The following TCF12 variants were observed in gnomAD, a reference collection of about 807,000 sequenced individuals.
TCF12 encodes the protein DNA-binding protein HTF4.
Under a neutral mutation model 86.0 loss-of-function variants are expected in TCF12, and 45 were observed. The ratio of observed to expected loss-of-function variants is 0.52; its 90% CI spans 0.41 to 0.67. The LOEUF (loss-of-function observed/expected upper bound fraction) is 0.67. TCF12 is among the 30% of genes least tolerant of loss of function. The pLI is 0.00. For synonymous variants in TCF12, 330 were observed against 299.6 expected, an observed-to-expected ratio of 1.10 and a Z score of -1.05; for missense variants, 881 against 859.9, an observed-to-expected ratio of 1.02 and a Z score of -0.31.
At chr15:57,048,857 C>G (rs78645795) in intron 3 of TCF12, among the ~76,000 whole-genome samples, 1 of 152,044 alleles carries the variant, frequency 6.6e-6, no homozygotes, top group Non-Finnish European at 1.5e-5. Context: ...AATGCATACA[C>G]CCATCATCAA....
At chr15:57,271,679 C>T (rs983185627) in intron 18 of TCF12, among the ~76,000 whole-genome samples, 1 of 152,210 alleles carries the variant, frequency 6.6e-6, no homozygotes, top group Non-Finnish European at 1.5e-5. Flanking sequence ...TTCGATCTCA[C>T]TGGGAGCTGT....
rs190029164 is a variant in TCF12 at position 57,151,274 on chromosome 15, C to T, written c.326-15128C>T. Among the ~76,000 whole-genome samples, 59 of 151,806 alleles carry T rather than the reference C, an allele frequency of 3.9e-4. No individual in the cohort carries two copies. In the East Asian group the frequency reaches 5.6e-3, roughly 14 times the overall value. Reference sequence around the variant, plus strand: ...GGGATTATATGTGTGAGCCACCACACCCAGCCCCCTAAATGTCATTTTTAG... The same window carrying T: ...GGGATTATATGTGTGAGCCACCACATCCAGCCCCCTAAATGTCATTTTTAG... On this transcript the variant is annotated intron_variant, in intron 5 of 20. Coordinates refer to ENST00000333725, the MANE Select transcript of TCF12 (RefSeq NM_207037.2).
intron 3 of TCF12, among the ~76,000 whole-genome samples, chr15:56,934,980 A>G (rs959255256): frequency 6.6e-6 from 1 of 152,176 alleles, no homozygotes; most frequent in African/African-American, 2.4e-5. Flanking sequence ...AATAATTCCT[A>G]ATGCTTTCTT....
rs550493641 is a variant in TCF12 at position 57,223,643 on chromosome 15, GTTTTTTTTTTTTT to G, written c.580-7493_580-7481del. 4.2e-4 allele frequency among the ~76,000 whole-genome samples: 29 copies of G among 69,692 alleles called. 2 individuals are homozygous for G. The South Asian group carries it at 7.5e-3, about 18-fold the overall frequency. 45.7% of individuals were successfully genotyped at this position (69,692 alleles called of 152,430 possible). ...GTTTTGGCACCTGCCTACCAATGAGGTTTTTTTTTTTTTTTTTTTTTTTTTTTTAGAAATAGAG... is the reference window on the plus strand; with the variant it reads ...GTTTTGGCACCTGCCTACCAATGAGGTTTTTTTTTTTTTTTAGAAATAGAG... On this transcript the variant is annotated intron_variant, in intron 8 of 20. Transcript: ENST00000333725.
At chr15:57,236,643 G>A (rs1426403875) in intron 12 of TCF12, among the ~76,000 whole-genome samples, 1 of 152,030 alleles carries the variant, frequency 6.6e-6, no homozygotes, top group Non-Finnish European at 1.5e-5. Context: ...CTTCAGTTTA[G>A]GTATTAAAGA....
rs1423248110 is a variant in TCF12 at position 56,945,357 on chromosome 15, G to A, written c.148+24259G>A. Among the ~76,000 whole-genome samples, 5 of 151,956 alleles carry A rather than the reference G, an allele frequency of 3.3e-5. No individual in the cohort carries two copies. The East Asian group carries it at 5.8e-4, about 18-fold the overall frequency. Reference sequence around the variant, plus strand: ...AATTTCCAGTGTTCTTCATTTCTTTGTGTATATTCAGGTATTCATCTTGTC... The same window carrying A: ...AATTTCCAGTGTTCTTCATTTCTTTATGTATATTCAGGTATTCATCTTGTC... On this transcript the variant is annotated intron_variant, in intron 3 of 20. Coordinates refer to ENST00000333725, the MANE Select transcript of TCF12 (RefSeq NM_207037.2).
At chr15:57,227,209 T>G (rs2058928552) in intron 8 of TCF12, among the ~76,000 whole-genome samples, 1 of 152,154 alleles carries the variant, frequency 6.6e-6, no homozygotes. Context: ...ACTATCTTCT[T>G]TAGCAAAACC....
In TCF12 at chr15:57,257,535, C is replaced by T. The variant is rs562431575; in HGVS notation, c.1467+4067C>T. On this transcript the variant is annotated intron_variant, in intron 16 of 20. Transcript: ENST00000333725. ...AATTAACTGGGCATGGTGGCATACA[C>T]CAGTGGTCCCAGCTACTCAGGAGGC... 5.3e-5 allele frequency among the ~76,000 whole-genome samples: 8 copies of T among 152,078 alleles called. No homozygotes were observed. The East Asian group carries it at 1.5e-3, about 29-fold the overall frequency.
rs762253852 is a variant in TCF12, at chr15:57,251,411, A to G, written c.1176A>G (p.Ser392=). ...CTTCATCCCCAAGCTATGAAAACTC[A>G]CTCCACTCCCTGGTAAGAGCCTCTT... ...QAPSSPSYEN[S]LHSLKNRVEQ... The change falls in exon 14 of 21, where the codon TCA becomes TCG. Residue 392 remains serine, a synonymous_variant. Coordinates refer to ENST00000333725, the MANE Select transcript of TCF12 (RefSeq NM_207037.2). 11 of 1,613,094 alleles carry G rather than the reference A, an allele frequency of 6.8e-6. No individual in the cohort carries two copies. In the East Asian group the frequency reaches 2.2e-4, roughly 33 times the overall value.
chr15:57,232,161 TG>T, intron 9 of TCF12, 129 bp from the exon 10 acceptor site: 1 of 906,474 alleles, frequency 1.1e-6, no homozygotes, highest in Non-Finnish European at 1.7e-6. Context: ...GGAAGAACAG[TG>T]GGTAGAAGAC....
chr15:57,091,768 C>G (rs766968866), intron 4 of TCF12, 21 bp from the exon 5 acceptor site: 4 of 1,584,372 alleles, frequency 2.5e-6, no homozygotes, highest in African/African-American at 1.3e-5. Flanking sequence ...CTTTAATACT[C>G]TGATCTTTTT....
At chr15:57,232,140 A>T in intron 9 of TCF12, 151 bp from the exon 10 acceptor site, 1 of 710,686 alleles carries the variant, frequency 1.4e-6, no homozygotes, top group Non-Finnish European at 2.2e-6. Flanking sequence ...TAGTAATTTT[A>T]CAGTTTAGAG....
chr15:57,114,841 G>T (rs1202131680), intron 5 of TCF12, among the ~76,000 whole-genome samples: 1 of 152,046 alleles, frequency 6.6e-6, no homozygotes. Context: ...TTTGCCTGAA[G>T]GAGGCATTAA....
intron 3 of TCF12, among the ~76,000 whole-genome samples, chr15:57,007,755 C>CTTCCT (rs2064475096): frequency 1.2e-5 from 1 of 83,980 alleles, no homozygotes. Context: ...AATATTTTTC[C>CTTCCT]TTCTTTCTTT....
intron 6 of TCF12, among the ~76,000 whole-genome samples, chr15:57,191,007 A>G (rs1378194931): frequency 9.9e-5 from 15 of 152,230 alleles, no homozygotes; most frequent in African/African-American, 3.6e-4. Context: ...TTGGAGGGAC[A>G]TGACTTAATA....
intron 6 of TCF12, among the ~76,000 whole-genome samples, chr15:57,168,453 T>C (rs1458057725): frequency 6.6e-6 from 1 of 152,248 alleles, no homozygotes; most frequent in Non-Finnish European, 1.5e-5. Flanking sequence ...ATTTATTCTG[T>C]ATAGTTTTAG....
At chr15:57,031,395 A>G (rs2066173474) in intron 3 of TCF12, among the ~76,000 whole-genome samples, 1 of 152,320 alleles carries the variant, frequency 6.6e-6, no homozygotes, top group African/African-American at 2.4e-5. Flanking sequence ...GGTCAGATCA[A>G]TCTTCTGAGG....
chr15:57,265,032 CTT>C (rs201032660), intron 18 of TCF12, among the ~76,000 whole-genome samples: 2 of 147,144 alleles, frequency 1.4e-5, no homozygotes, highest in Non-Finnish European at 3.0e-5. Flanking sequence ...ACCCGGCCAA[CTT>C]TTTTTTTTAA....
intron 8 of TCF12, among the ~76,000 whole-genome samples, chr15:57,214,922 G>A (rs1318409419): frequency 6.6e-6 from 1 of 152,066 alleles, no homozygotes; most frequent in Non-Finnish European, 1.5e-5. Flanking sequence ...CAGCAAGATG[G>A]GAGTGATTGT....
Sources: allele counts gnomAD v4.1 joint callset (sites outside exome capture counted in the v4.1 genomes callset), GRCh38; gene constraint gnomAD v4.1.1; transcripts MANE v1.5; gene names NCBI Gene and HGNC (gene_info 2026-07-23, HGNC 2026-07-21).